The following CYSLTR2 variants were observed in gnomAD, a reference collection of about 807,000 sequenced individuals.
CYSLTR2 encodes the protein cysteinyl leukotriene receptor 2, also known as G-protein coupled receptor GPCR21.
For missense variants in CYSLTR2, 398 were observed against 411.9 expected (o/e 0.97, Z 0.29); for synonymous variants, 179 against 160.8 (o/e 1.11, Z -0.86).
At chr13:48,691,948 T>C (rs992987476) in intron 2 of CYSLTR2, among the ~76,000 whole-genome samples, 6 of 152,080 alleles carry the variant, frequency 3.9e-5, no homozygotes, top group African/African-American at 1.4e-4. Context: ...TCAAAGGATA[T>C]TGGAAAATCT....
chr13:48,694,975 C>A (rs929981624), intron 3 of CYSLTR2, among the ~76,000 whole-genome samples: 4 of 151,766 alleles, frequency 2.6e-5, no homozygotes, highest in African/African-American at 9.7e-5. Context: ...ATTAAAAATT[C>A]CCATGCACAT....
chr13:48,660,734 G>T (rs1953107591), intron 1 of CYSLTR2, among the ~76,000 whole-genome samples: 1 of 152,166 alleles, frequency 6.6e-6, no homozygotes, highest in African/African-American at 2.4e-5. Context: ...AGGCCAGGAA[G>T]GTCTAGAAAG....
intron 4 of CYSLTR2, chr13:48,706,574 C>T (rs1320507542): frequency 7.1e-6 from 3 of 423,500 alleles, no homozygotes; most frequent in East Asian, 4.3e-5. Context: ...AAGTTTGAAG[C>T]GTCAGCTTCA....
chr13:48,698,122 C>A (rs1273382927), intron 4 of CYSLTR2, among the ~76,000 whole-genome samples: 1 of 152,118 alleles, frequency 6.6e-6, no homozygotes, highest in East Asian at 1.9e-4. Context: ...GGAGAACTTC[C>A]CCAACCTAGC....
chr13:48,676,721 C>T (rs1387546483), intron 1 of CYSLTR2, among the ~76,000 whole-genome samples: 3 of 152,112 alleles, frequency 2.0e-5, no homozygotes, highest in Admixed American at 6.6e-5. Flanking sequence ...ATCCTGTAGG[C>T]AACTAAAAAT....
intron 3 of CYSLTR2, among the ~76,000 whole-genome samples, chr13:48,696,318 T>G (rs891340835): frequency 6.6e-6 from 1 of 152,212 alleles, no homozygotes; most frequent in Non-Finnish European, 1.5e-5. Flanking sequence ...GATAAGTGAT[T>G]TGCAAATATT....
In CYSLTR2 at chr13:48,708,232, T is replaced by G. The variant is rs202009882; in HGVS notation, c.*374T>G. ...CCCAGCTTCTCCAGCTCCCCTGTCC[T>G]CTTCAATCCCTTGAGATATAGCCAA... On this transcript the variant is annotated 3_prime_UTR_variant, in exon 5 of 5. Transcript: ENST00000682523. 7.2e-5 allele frequency: 13 copies of G among 179,404 alleles called. No homozygotes were observed. The allele number at this position is 179,404 out of a possible 1,614,324, so 11.1% of individuals were successfully genotyped here. A position where few individuals can be genotyped will look rare whatever the true frequency, so the allele number is the denominator to read the frequency against.
chr13:48,675,963 C>T (rs957905230), intron 1 of CYSLTR2, among the ~76,000 whole-genome samples: 1 of 152,220 alleles, frequency 6.6e-6, no homozygotes, highest in African/African-American at 2.4e-5. Context: ...TCTGCTCACC[C>T]CCCATGGGCT....
At chr13:48,680,752 C>T (rs931373569) in intron 1 of CYSLTR2, among the ~76,000 whole-genome samples, 1 of 149,960 alleles carries the variant, frequency 6.7e-6, no homozygotes, top group Non-Finnish European at 1.5e-5. Context: ...TTTTTATAGT[C>T]ACATCTAGCA....
At chr13:48,682,828 G>T (rs1476757659) in intron 1 of CYSLTR2, among the ~76,000 whole-genome samples, 2 of 152,114 alleles carry the variant, frequency 1.3e-5, no homozygotes, top group African/African-American at 4.8e-5. Flanking sequence ...TGTCAGTCAA[G>T]TACTAAGCTT....
At position 48,706,856 on chromosome 13, in the gene CYSLTR2, C is replaced by A; in HGVS notation, c.39C>A (p.Ser13=). 6.2e-7 allele frequency: 1 copy of A among 1,613,976 alleles called. No individual in the cohort carries two copies. Among genetic ancestry groups the A allele is most frequent in the Non-Finnish European group, 8.5e-7 (1 of 1,179,894 alleles). ...RKFMSLQPSI[S]VSEMEPNGTF... is the part of the protein sequence containing the mutation. ...TTATGTCCTTGCAACCATCCATCTC[C>A]GTATCAGAAATGGAACCAAATGGCA... The change falls in exon 5 of 5, where the codon TCC becomes TCA. Residue 13 remains serine (S), a synonymous_variant. Transcript: ENST00000682523.
intron 3 of CYSLTR2, chr13:48,694,770 C>T (rs1391654927): frequency 6.6e-6 from 1 of 152,176 alleles, no homozygotes; most frequent in Admixed American, 6.5e-5. Context: ...TCCTGGGGAT[C>T]ACCTCTTCAG....
chr13:48,675,805 G>A (rs993937509), intron 1 of CYSLTR2, among the ~76,000 whole-genome samples: 6 of 152,262 alleles, frequency 3.9e-5, no homozygotes, highest in East Asian at 3.9e-4. Flanking sequence ...CTCCTAGTCC[G>A]CAGGTTGCAA....
chr13:48,694,810 G>A (rs1037531446), intron 3 of CYSLTR2: 2 of 152,176 alleles, frequency 1.3e-5, no homozygotes, highest in Non-Finnish European at 2.9e-5. Context: ...GTAGGTTGTG[G>A]GGGAATGGAG....
chr13:48,673,704 T>A (rs1050069436), intron 1 of CYSLTR2, among the ~76,000 whole-genome samples: 7 of 152,156 alleles, frequency 4.6e-5, no homozygotes, highest in Non-Finnish European at 1.0e-4. Flanking sequence ...GTTGATGCAG[T>A]TTCTTTATAG....
intron 1 of CYSLTR2, among the ~76,000 whole-genome samples, chr13:48,667,519 G>A (rs888288912): frequency 6.6e-5 from 10 of 152,166 alleles, no homozygotes; most frequent in Admixed American, 1.3e-4. Context: ...GGCTCAGAAC[G>A]TCTGCTTGGC....
rs1365233173 is a variant in CYSLTR2, at chr13:48,710,581, A to G, written c.*2723A>G. On this transcript the variant is annotated 3_prime_UTR_variant, in exon 5 of 5. Coordinates refer to ENST00000682523, the MANE Select transcript of CYSLTR2 (RefSeq NM_001308476.3). ...GACTTAATAAGGAAAGAAAAAAAACACATGCTGAAGTTGCTAAGATCTACA... is the reference window on the plus strand; with the variant it reads ...GACTTAATAAGGAAAGAAAAAAAACGCATGCTGAAGTTGCTAAGATCTACA... 5 of 152,260 alleles carry G rather than the reference A, an allele frequency of 3.3e-5. No individual in the cohort carries two copies. The highest frequency in any genetic ancestry group is 1.2e-4 in the African/African-American group (5 of 41,466). The allele number at this position is 152,260 out of a possible 1,614,324, so 9.4% of individuals were successfully genotyped here.
At chr13:48,705,489 T>C (rs1954456753) in intron 4 of CYSLTR2, among the ~76,000 whole-genome samples, 1 of 151,606 alleles carries the variant, frequency 6.6e-6, no homozygotes, top group South Asian at 2.1e-4. Context: ...TCCTGCCTTG[T>C]TGTTGGTTAT....
intron 1 of CYSLTR2, among the ~76,000 whole-genome samples, chr13:48,679,901 C>T (rs1953703648): frequency 6.6e-6 from 1 of 152,146 alleles, no homozygotes; most frequent in Admixed American, 6.5e-5. Context: ...GTGGGAGTTA[C>T]AGGTGGCAGA....
Sources: gnomAD v4.1 joint callset for allele counts (sites outside exome capture counted in the v4.1 genomes callset) on GRCh38, gnomAD v4.1.1 for gene constraint, MANE v1.5 for transcripts, NCBI Gene and HGNC (gene_info 2026-07-23, HGNC 2026-07-21) for gene names.